Variants in SLC39A8 observed in about 807,000 individuals in gnomAD.
SLC39A8 encodes solute carrier family 39 member 8, also known as metal cation symporter ZIP8.
In SLC39A8, 15 loss-of-function variants were observed where a neutral mutation model predicts 40.4. The observed-to-expected ratio is 0.37, with a 90% CI of 0.25 to 0.57. The LOEUF is 0.57. Among genes scored for constraint, SLC39A8 ranks in the 20% least tolerant of loss-of-function variants. The probability of loss-of-function intolerance (pLI) is 0.75; values close to 1 mark genes in which losing one functional copy is unlikely to be tolerated. For synonymous variants in SLC39A8, 223 were observed against 221.6 expected (o/e 1.01, Z -0.06); for missense variants, 472 against 558.8 (o/e 0.84, Z 1.57).
intron 3 of SLC39A8, among the ~76,000 whole-genome samples, chr4:102,311,564 C>G (rs1446551112): frequency 6.6e-6 from 1 of 152,002 alleles, no homozygotes; most frequent in Non-Finnish European, 1.5e-5. Flanking sequence ...TTTATTTTAT[C>G]TACTATATGA....
chr4:102,324,911 T>C (rs1011313670), intron 2 of SLC39A8, among the ~76,000 whole-genome samples: 1 of 152,122 alleles, frequency 6.6e-6, no homozygotes, highest in African/African-American at 2.4e-5. Flanking sequence ...CACTGAACAA[T>C]GGAATTGGTG....
At chr4:102,308,715 T>C (rs1033053220) in intron 3 of SLC39A8, among the ~76,000 whole-genome samples, 1 of 152,062 alleles carries the variant, frequency 6.6e-6, no homozygotes, top group Non-Finnish European at 1.5e-5. Flanking sequence ...CCAGAAAGCA[T>C]GTTTAAATGG....
At chr4:102,259,368 C>A, downstream of SLC39A8, 1 of 893,002 alleles carries the variant, frequency 1.1e-6, no homozygotes, top group Non-Finnish European at 1.7e-6. Context: ...GAATAACATG[C>A]ACAGTCACTG....
At chr4:102,295,740 A>G (rs181194814) in intron 6 of SLC39A8, among the ~76,000 whole-genome samples, 1 of 152,192 alleles carries the variant, frequency 6.6e-6, no homozygotes, top group Admixed American at 6.5e-5. Context: ...GTAAATGTTG[A>G]TGCCACCAGC....
Position 102,344,477 on chromosome 4 carries a change from G to A in SLC39A8, c.186C>T (p.Gly62=). 6.5e-7 allele frequency: 1 copy of A among 1,547,418 alleles called. No homozygotes were observed. The highest frequency in any genetic ancestry group is 2.5e-5 in the East Asian group (1 of 40,662). Residue 62 remains glycine (G), a synonymous_variant, in exon 2 of 9, where the codon GGC becomes GGT. Transcript: ENST00000356736. The part of the protein sequence containing the change: ...LEQMGAASRV[G]VPEPGQLHFN... The stretch of plus-strand genomic sequence containing the variant: ...AGTGCAGCTGGCCAGGCTCCGGGAC[G>A]CCCACGCGGGAGGCGGCTCCCATCT...
chr4:102,331,282 C>T (rs892292609), intron 2 of SLC39A8, among the ~76,000 whole-genome samples: 5 of 152,180 alleles, frequency 3.3e-5, no homozygotes, highest in African/African-American at 1.2e-4. Flanking sequence ...ACCCCATCGT[C>T]TCAGCCCAAA....
chr4:102,256,642 C>G (rs558072150), intron 11 of SLC39A8, among the ~76,000 whole-genome samples: 94 of 152,312 alleles, frequency 6.2e-4, no homozygotes, highest in Middle Eastern at 3.4e-3. Flanking sequence ...TATCATCTTT[C>G]ATCCCCATAA....
intron 2 of SLC39A8, chr4:102,324,246 T>G (rs565634897): frequency 5.5e-6 from 2 of 363,524 alleles, no homozygotes; most frequent in Non-Finnish European, 1.1e-5. Flanking sequence ...AATATAAAAA[T>G]TACCTGAGCG....
intron 2 of SLC39A8, among the ~76,000 whole-genome samples, chr4:102,326,391 C>T (rs1246913328): frequency 6.6e-6 from 1 of 152,128 alleles, no homozygotes; most frequent in Non-Finnish European, 1.5e-5. Context: ...GAAACCCCGT[C>T]TCTACTAAAA....
intron 6 of SLC39A8, among the ~76,000 whole-genome samples, chr4:102,297,381 C>T (rs1191723232): frequency 6.6e-6 from 1 of 152,106 alleles, no homozygotes; most frequent in Non-Finnish European, 1.5e-5. Context: ...AATAATCGTA[C>T]TTGCCTCACA....
chr4:102,314,586 C>A (rs1734579649), intron 3 of SLC39A8, among the ~76,000 whole-genome samples: 1 of 152,062 alleles, frequency 6.6e-6, no homozygotes, highest in Non-Finnish European at 1.5e-5. Context: ...TCTTGCTGCT[C>A]CTCACTCATG....
intron 2 of SLC39A8, among the ~76,000 whole-genome samples, chr4:102,330,743 A>G (rs1444529161): frequency 6.6e-6 from 1 of 152,246 alleles, no homozygotes; most frequent in Non-Finnish European, 1.5e-5. Flanking sequence ...TCAGGTCAAT[A>G]TCCCTGATGA....
At chr4:102,290,929 A>G (rs1733408743) in intron 6 of SLC39A8, among the ~76,000 whole-genome samples, 1 of 152,064 alleles carries the variant, frequency 6.6e-6, no homozygotes, top group African/African-American at 2.4e-5. Flanking sequence ...TTCATTGTGA[A>G]CAGCTCCACT....
intron 6 of SLC39A8, among the ~76,000 whole-genome samples, chr4:102,282,830 G>A (rs1010817966): frequency 2.0e-5 from 3 of 152,112 alleles, no homozygotes; most frequent in South Asian, 2.1e-4. Flanking sequence ...CGGTTCAAGC[G>A]ATTCTCTTGC....
chr4:102,319,885 T>C (rs1734831792), intron 2 of SLC39A8, among the ~76,000 whole-genome samples: 1 of 151,902 alleles, frequency 6.6e-6, no homozygotes. Context: ...CCCTCCCCAG[T>C]GTGAGTCCAA....
intron 2 of SLC39A8, among the ~76,000 whole-genome samples, chr4:102,321,418 G>C (rs1734963106): frequency 2.6e-5 from 4 of 152,182 alleles, no homozygotes; most frequent in African/African-American, 9.6e-5. Context: ...TGCGTGCAAG[G>C]GGCAGGAGCC....
At chr4:102,266,511 T>C (rs1038016290) in intron 8 of SLC39A8, among the ~76,000 whole-genome samples, 2 of 152,186 alleles carry the variant, frequency 1.3e-5, no homozygotes, top group Admixed American at 6.5e-5. Context: ...AAAGAAATAG[T>C]CCTTGATTTT....
Position 102,270,431 on chromosome 4 carries a change from C to A in SLC39A8, c.841-2352G>T, listed in dbSNP as rs141921925. Among the ~76,000 whole-genome samples, 1,317 of 152,210 alleles carry A rather than the reference C, an allele frequency of 8.7e-3. 17 individuals carry two copies. The highest frequency in any genetic ancestry group is 0.03 in the African/African-American group (1,259 of 41,522). ...AGTCAGCAAACCTTCACAGAAACTT[C>A]TTTTTTAATTCACCTAGAATTAAAT... On this transcript the variant is annotated intron_variant, in intron 6 of 8. Transcript: ENST00000356736.
At chr4:102,256,619 AATG>A (rs1402284223) in intron 11 of SLC39A8, among the ~76,000 whole-genome samples, 1 of 152,188 alleles carries the variant, frequency 6.6e-6, no homozygotes, top group Non-Finnish European at 1.5e-5. Flanking sequence ...TAAAATGTTT[AATG>A]ATAATGGCTT....
Sources: gnomAD v4.1 joint callset for allele counts (sites outside exome capture counted in the v4.1 genomes callset) on GRCh38, gnomAD v4.1.1 for gene constraint, MANE v1.5 for transcripts, NCBI Gene and HGNC (gene_info 2026-07-23, HGNC 2026-07-21) for gene names.